The following PARD3B variants were observed in gnomAD, a reference collection of about 807,000 sequenced individuals.
PARD3B encodes par-3 family cell polarity regulator beta.
In PARD3B, 103 loss-of-function variants were observed where a neutral mutation model predicts 130.2. That is an observed-to-expected ratio of 0.79 (90% CI 0.67 to 0.93). The LOEUF (loss-of-function observed/expected upper bound fraction) is 0.93, where lower values mean the gene tolerates loss of function less well. Ranked by LOEUF, PARD3B falls within the 40% of genes least tolerant of loss-of-function variation. The pLI is 0.00. For missense variants in PARD3B, 1,609 were observed against 1,499.2 expected, an observed-to-expected ratio of 1.07 and a Z score of -1.21; for synonymous variants, 583 against 553.2, an observed-to-expected ratio of 1.05 and a Z score of -0.76.
At chr2:205,054,437 T>TTTATATATATA (rs1699495683) in intron 4 of PARD3B, among the ~76,000 whole-genome samples, 1 of 27,522 alleles carries the variant, frequency 3.6e-5, no homozygotes, top group African/African-American at 1.7e-4. Context: ...TATATATATA[T>TTTATATATATA]TTTTTTTTTT....
chr2:204,751,493 A>G lies in PARD3B; in HGVS notation c.222+65211A>G, dbSNP rs530887075. Among the ~76,000 whole-genome samples, 7 of 152,314 alleles carry G rather than the reference A, an allele frequency of 4.6e-5. No individual in the cohort carries two copies. In the South Asian group the frequency reaches 6.2e-4, roughly 14 times the overall value. On this transcript the variant is annotated intron_variant, in intron 2 of 22. Coordinates refer to ENST00000406610, the MANE Select transcript of PARD3B (RefSeq NM_001302769.2). ...AAGAGGAGAAATATTAGTTCTGCCTATGGGCATGAGGTGGTCTCCAAACTT... is the reference window on the plus strand; with the variant it reads ...AAGAGGAGAAATATTAGTTCTGCCTGTGGGCATGAGGTGGTCTCCAAACTT...
At chr2:204,603,453 A>C (rs1486065620) in intron 1 of PARD3B, among the ~76,000 whole-genome samples, 1 of 152,148 alleles carries the variant, frequency 6.6e-6, no homozygotes, top group Non-Finnish European at 1.5e-5. Context: ...AAGTACTGAG[A>C]AGTAAAGTAA....
At chr2:204,686,114 A>G in intron 1 of PARD3B, 67 bp from the exon 2 acceptor site, 1 of 1,097,038 alleles carries the variant, frequency 9.1e-7, no homozygotes, top group Non-Finnish European at 1.4e-6. Flanking sequence ...TATGTCTCTT[A>G]ACATTAAAAT....
chr2:204,759,434 A>G (rs544181968), intron 2 of PARD3B, among the ~76,000 whole-genome samples: 14 of 152,076 alleles, frequency 9.2e-5, no homozygotes, highest in Non-Finnish European at 1.9e-4. Flanking sequence ...ATACCATAAT[A>G]TACATATTTA....
intron 18 of PARD3B, among the ~76,000 whole-genome samples, chr2:205,365,067 G>A (rs1213855679): frequency 6.6e-6 from 1 of 152,070 alleles, no homozygotes; most frequent in East Asian, 1.9e-4. Context: ...AGGCATGGTG[G>A]CAGGCGCCTG....
rs141236954 is a variant in PARD3B, at chr2:204,976,379, C to T, written c.394+11056C>T. On this transcript the variant is annotated intron_variant, in intron 3 of 22. Transcript: ENST00000406610. ...TTAAGCCACTGAGTCTGTTTCCTCA[C>T]CTATAAAACAAGGGTAATATTACCT... Among the ~76,000 whole-genome samples the T allele has an allele frequency of 1.9e-3, 294 of 152,118 alleles. 2 individuals are homozygous for T. The highest frequency in any genetic ancestry group is 6.1e-3 in the African/African-American group (254 of 41,486).
At position 205,150,437 on chromosome 2, in the gene PARD3B, T is replaced by A. The variant is rs748484977; in HGVS notation, c.1435-8285T>A. ...GCTACAAAATGCTGTCTGGCAAGAT[T>A]TGAGTTTAATTTTGAGAGTTACTGG... On this transcript the variant is annotated intron_variant, in intron 10 of 22. Coordinates refer to ENST00000406610, the MANE Select transcript of PARD3B (RefSeq NM_001302769.2). Among the ~76,000 whole-genome samples the A allele has an allele frequency of 2.6e-5, 4 of 152,058 alleles. 1 individual carries two copies. Among genetic ancestry groups the A allele is most frequent in the Admixed American group, 2.6e-4 (4 of 15,260 alleles).
intron 2 of PARD3B, among the ~76,000 whole-genome samples, chr2:204,882,639 A>G (rs924512983): frequency 2.0e-5 from 3 of 152,220 alleles, no homozygotes; most frequent in African/African-American, 7.2e-5. Flanking sequence ...GAGTCCTACT[A>G]TTAGGATCTT....
At chr2:204,855,565 AT>A (rs2044899725) in intron 2 of PARD3B, among the ~76,000 whole-genome samples, 1 of 149,400 alleles carries the variant, frequency 6.7e-6, no homozygotes, top group African/African-American at 2.4e-5. Context: ...ATATATATAT[AT>A]ATATATAAGG....
At chr2:205,191,687 A>C (rs73982812) in intron 14 of PARD3B, among the ~76,000 whole-genome samples, 31,795 of 152,072 alleles carry the variant, frequency 0.21, 4,538 homozygotes, top group African/African-American at 0.41. Flanking sequence ...TTCTCTCAAC[A>C]ACCTTGTGAG....
At chr2:204,815,565 G>T (rs2043114979) in intron 2 of PARD3B, among the ~76,000 whole-genome samples, 2 of 151,778 alleles carry the variant, frequency 1.3e-5, no homozygotes, top group African/African-American at 4.8e-5. Flanking sequence ...CCATTTTGCT[G>T]CTAACTTTGC....
chr2:205,051,760 A>C (rs1397728665), intron 4 of PARD3B, among the ~76,000 whole-genome samples: 1 of 152,206 alleles, frequency 6.6e-6, no homozygotes, highest in Non-Finnish European at 1.5e-5. Context: ...TAAATTAGAA[A>C]AATCAGATTC....
intron 18 of PARD3B, among the ~76,000 whole-genome samples, chr2:205,328,933 T>C (rs1014632482): frequency 3.3e-5 from 5 of 152,206 alleles, no homozygotes; most frequent in South Asian, 4.1e-4. Context: ...AAATAGTATA[T>C]CTTTTCTCAA....
At chr2:204,939,050 C>A (rs1688686654) in intron 2 of PARD3B, among the ~76,000 whole-genome samples, 1 of 152,104 alleles carries the variant, frequency 6.6e-6, no homozygotes, top group Admixed American at 6.6e-5. Flanking sequence ...TCTTTTTATA[C>A]TCATTAGGAA....
chr2:204,831,847 A>G (rs1055685237), intron 2 of PARD3B, among the ~76,000 whole-genome samples: 1 of 152,158 alleles, frequency 6.6e-6, no homozygotes, highest in African/African-American at 2.4e-5. Context: ...TGAATTACTG[A>G]ACAGAGTTTG....
chr2:205,063,802 T>C (rs1161344403), intron 4 of PARD3B, among the ~76,000 whole-genome samples: 2 of 152,090 alleles, frequency 1.3e-5, no homozygotes, highest in Non-Finnish European at 2.9e-5. Flanking sequence ...ATAGAACATA[T>C]AAGAGATGTC....
chr2:204,948,469 A>G (rs1689508978), intron 2 of PARD3B, among the ~76,000 whole-genome samples: 2 of 152,208 alleles, frequency 1.3e-5, no homozygotes, highest in Admixed American at 1.3e-4. Flanking sequence ...TACATGGAGC[A>G]CTTACTTGAG....
At chr2:205,367,089 A>T (rs750840973) in intron 18 of PARD3B, among the ~76,000 whole-genome samples, 6 of 152,244 alleles carry the variant, frequency 3.9e-5, no homozygotes, top group Non-Finnish European at 8.8e-5. Context: ...ATACCTTCAA[A>T]TAGTGCCTTG....
chr2:204,795,310 T>C (rs1222228109), intron 2 of PARD3B, among the ~76,000 whole-genome samples: 3 of 152,196 alleles, frequency 2.0e-5, no homozygotes, highest in African/African-American at 4.8e-5. Flanking sequence ...AGACATTCCT[T>C]CACCACTGCA....
Sources: gnomAD v4.1 joint callset for allele counts (sites outside exome capture counted in the v4.1 genomes callset) on GRCh38, gnomAD v4.1.1 for gene constraint, MANE v1.5 for transcripts, NCBI Gene and HGNC (gene_info 2026-07-23, HGNC 2026-07-21) for gene names.